CDKAL1: variants seen among roughly 807,000 people sequenced by gnomAD.
CDKAL1 encodes threonylcarbamoyladenosine tRNA methylthiotransferase.
A neutral mutation model predicts 68.2 loss-of-function variants in CDKAL1; 32 were observed. That is an observed-to-expected ratio of 0.47 (90% CI 0.35 to 0.63). The LOEUF (loss-of-function observed/expected upper bound fraction) is 0.63. CDKAL1 is among the 30% of genes least tolerant of loss of function. The pLI, the probability that CDKAL1 is intolerant of heterozygous loss-of-function variation, is 0.00. For synonymous variants in CDKAL1, 234 were observed against 244.3 expected (o/e 0.96, Z 0.39); for missense variants, 606 against 696.7 (o/e 0.87, Z 1.47).
intron 10 of CDKAL1, among the ~76,000 whole-genome samples, chr6:20,995,895 A>G (rs956005141): frequency 6.6e-6 from 1 of 152,216 alleles, no homozygotes; most frequent in Admixed American, 6.5e-5. Context: ...TTTTTAATAG[A>G]AGGCTGTTTT....
At chr6:20,667,677 TAA>T (rs1246957465) in intron 5 of CDKAL1, among the ~76,000 whole-genome samples, 1 of 149,880 alleles carries the variant, frequency 6.7e-6, no homozygotes, top group African/African-American at 2.5e-5. Flanking sequence ...TCAGTGAAGT[TAA>T]AAAGTTACTT....
At chr6:20,557,552 TAC>T (rs1436283904) in intron 4 of CDKAL1, among the ~76,000 whole-genome samples, 1 of 152,202 alleles carries the variant, frequency 6.6e-6, no homozygotes, top group Non-Finnish European at 1.5e-5. Flanking sequence ...TATATATGTA[TAC>T]ATATGTATAT....
At chr6:21,095,816 TC>T (rs1773286575) in intron 12 of CDKAL1, among the ~76,000 whole-genome samples, 1 of 152,208 alleles carries the variant, frequency 6.6e-6, no homozygotes, top group Non-Finnish European at 1.5e-5. Context: ...GACTCCTTTG[TC>T]ATAAAGGCCA....
At chr6:21,160,655 A>G (rs142506081) in intron 13 of CDKAL1, among the ~76,000 whole-genome samples, 46 of 124,312 alleles carry the variant, frequency 3.7e-4, no homozygotes, top group Non-Finnish European at 6.3e-4. Flanking sequence ...ACACACACAC[A>G]CGTGTGTGTG....
chr6:20,821,634 T>C (rs1034872065), intron 8 of CDKAL1, among the ~76,000 whole-genome samples: 10 of 12,316 alleles, frequency 8.1e-4, no homozygotes, highest in African/African-American at 1.4e-3. Context: ...CCCAGATGCT[T>C]TGGAACAGAG....
intron 13 of CDKAL1, among the ~76,000 whole-genome samples, chr6:21,171,501 C>A (rs1219256751): frequency 6.6e-6 from 1 of 152,104 alleles, no homozygotes; most frequent in Non-Finnish European, 1.5e-5. Context: ...CTGAGCCACC[C>A]TGCCCAGCCA....
At chr6:21,225,260 T>TAAGTA (rs1433349362) in intron 15 of CDKAL1, among the ~76,000 whole-genome samples, 2 of 152,078 alleles carry the variant, frequency 1.3e-5, no homozygotes, top group African/African-American at 4.8e-5. Context: ...GAGCAAGCAG[T>TAAGTA]AAGTAGAGGA....
intron 5 of CDKAL1, among the ~76,000 whole-genome samples, chr6:20,728,270 A>G (rs187518698): frequency 3.3e-5 from 5 of 152,316 alleles, no homozygotes; most frequent in Non-Finnish European, 1.5e-5. Flanking sequence ...ATCTAAGCTT[A>G]TATTGTATGC....
At chr6:20,722,021 G>A (rs58459289) in intron 5 of CDKAL1, among the ~76,000 whole-genome samples, 29,585 of 151,870 alleles carry the variant, frequency 0.19, 5,272 homozygotes, top group African/African-American at 0.47. Context: ...GTGAGCCACC[G>A]TGCCTGGCCC....
At chr6:21,207,537 G>A (rs77008328) in intron 15 of CDKAL1, among the ~76,000 whole-genome samples, 82 of 152,166 alleles carry the variant, frequency 5.4e-4, no homozygotes, top group South Asian at 1.9e-3. Flanking sequence ...AGTACTTTGC[G>A]TTCATGGATT....
chr6:20,649,830 G>A (rs1768665915), intron 5 of CDKAL1, among the ~76,000 whole-genome samples: 1 of 152,136 alleles, frequency 6.6e-6, no homozygotes, highest in Non-Finnish European at 1.5e-5. Context: ...TTGTTTTTCT[G>A]TTCCTGTATT....
At chr6:20,634,110 C>T (rs9465846) in intron 4 of CDKAL1, among the ~76,000 whole-genome samples, 28,894 of 152,080 alleles carry the variant, frequency 0.19, 2,857 homozygotes, top group East Asian at 0.37. Flanking sequence ...TGATTTGTGC[C>T]AAACAACTAA....
At chr6:20,757,189 C>T (rs1434536122) in intron 6 of CDKAL1, among the ~76,000 whole-genome samples, 2 of 152,036 alleles carry the variant, frequency 1.3e-5, no homozygotes, top group Non-Finnish European at 2.9e-5. Flanking sequence ...CCCTCCTAGG[C>T]CTCCCAAAAT....
At chr6:20,541,205 AC>A (rs1344756150) in intron 2 of CDKAL1, among the ~76,000 whole-genome samples, 1 of 152,078 alleles carries the variant, frequency 6.6e-6, no homozygotes, top group Non-Finnish European at 1.5e-5. Context: ...GGTTCATTTC[AC>A]CCTACCTGGA....
intron 12 of CDKAL1, among the ~76,000 whole-genome samples, chr6:21,092,238 T>C (rs113230221): frequency 0.19 from 24,974 of 131,098 alleles, 2,874 homozygotes; most frequent in South Asian, 0.24. Context: ...GGGGGCGGGG[T>C]TTAGATTAAC....
chr6:21,201,342 AGGC>A, intron 15 of CDKAL1, 68 bp downstream of exon 15: 1 of 1,376,448 alleles, frequency 7.3e-7, no homozygotes, highest in Non-Finnish European at 1.0e-6. Context: ...CAGTGATTCC[AGGC>A]CATGTTTCTG....
chr6:20,967,878 AG>A (rs1765398816), intron 10 of CDKAL1, among the ~76,000 whole-genome samples: 2 of 152,198 alleles, frequency 1.3e-5, no homozygotes, highest in Admixed American at 1.3e-4. Flanking sequence ...CTCTGGATAC[AG>A]AATTCCTGGT....
At chr6:20,581,912 A>C (rs9460523) in intron 4 of CDKAL1, among the ~76,000 whole-genome samples, 57,760 of 151,692 alleles carry the variant, frequency 0.38, 11,296 homozygotes, top group East Asian at 0.55. Flanking sequence ...GTTCTGAACA[A>C]GGTACATACA....
intron 12 of CDKAL1, among the ~76,000 whole-genome samples, chr6:21,099,549 T>C (rs563102489): frequency 1.3e-5 from 2 of 152,186 alleles, no homozygotes; most frequent in Non-Finnish European, 2.9e-5. Flanking sequence ...GGGTGAAGAT[T>C]GGACACAGGT....
Sources: allele counts gnomAD v4.1 joint callset (sites outside exome capture counted in the v4.1 genomes callset), GRCh38; gene constraint gnomAD v4.1.1; transcripts MANE v1.5; gene names NCBI Gene and HGNC (gene_info 2026-07-23, HGNC 2026-07-21).